The following ARG2 variants were observed in gnomAD, a reference collection of about 807,000 sequenced individuals.
ARG2 encodes arginase 2.
ARG2 carries 21 observed loss-of-function variants against 39.4 expected under a neutral mutation model. That is an observed-to-expected ratio of 0.53 (90% CI 0.38 to 0.77). ARG2 has a LOEUF of 0.77. ARG2 is among the 30% of genes least tolerant of loss of function. The pLI, the probability that ARG2 is intolerant of heterozygous loss-of-function variation, is 0.00. For synonymous variants in ARG2, 150 were observed against 156.7 expected (o/e 0.96, Z 0.32); for missense variants, 378 against 426.2 (o/e 0.89, Z 1.00).
intron 2 of ARG2, among the ~76,000 whole-genome samples, chr14:67,625,611 C>T (rs758892491): frequency 3.0e-5 from 4 of 132,156 alleles, no homozygotes; most frequent in Admixed American, 8.6e-5. Flanking sequence ...ACCTGGGAGG[C>T]GGAGGTTGTG....
intron 2 of ARG2, among the ~76,000 whole-genome samples, chr14:67,638,085 A>G (rs1187417867): frequency 2.0e-5 from 3 of 152,252 alleles, no homozygotes; most frequent in Non-Finnish European, 4.4e-5. Flanking sequence ...CATAAAGGAA[A>G]GCCTCCTGCT....
intron 2 of ARG2, among the ~76,000 whole-genome samples, chr14:67,625,367 T>A (rs977626741): frequency 2.6e-5 from 4 of 152,148 alleles, no homozygotes; most frequent in African/African-American, 9.7e-5. Context: ...AATACATCTA[T>A]GTTTCAAAGA....
At chr14:67,627,236 G>C (rs2036875154) in intron 2 of ARG2, among the ~76,000 whole-genome samples, 1 of 133,662 alleles carries the variant, frequency 7.5e-6, no homozygotes, top group African/African-American at 3.0e-5. Flanking sequence ...AAAAAACTAG[G>C]CAATTGTGAT....
rs534640426 is a variant in ARG2, at chr14:67,651,085, T to C, written c.*165T>C. Reference sequence around the variant, plus strand: ...TCCCCTCTATTTTGGTGACCAATACTACTGTAAATGTATTTGGTTTTTTGC... The same window carrying C: ...TCCCCTCTATTTTGGTGACCAATACCACTGTAAATGTATTTGGTTTTTTGC... On this transcript the variant is annotated 3_prime_UTR_variant, in exon 8 of 8. Transcript: ENST00000261783. The C allele has an allele frequency of 2.3e-5, 22 of 939,878 alleles. No homozygotes were observed. The highest frequency in any genetic ancestry group is 3.5e-5 in the Non-Finnish European group (22 of 632,944). The allele number at this position is 939,878 out of a possible 1,614,324, so 58.2% of individuals were successfully genotyped here.
At chr14:67,635,538 T>C (rs1252709947) in intron 2 of ARG2, among the ~76,000 whole-genome samples, 1 of 152,182 alleles carries the variant, frequency 6.6e-6, no homozygotes. Flanking sequence ...TTCTAAGAAT[T>C]AGCAGTCACA....
intron 2 of ARG2, among the ~76,000 whole-genome samples, chr14:67,626,754 C>G (rs1488283323): frequency 6.6e-6 from 1 of 152,178 alleles, no homozygotes; most frequent in Non-Finnish European, 1.5e-5. Context: ...GCCATTGCAC[C>G]TGGCCACACA....
At chr14:67,642,686 CTT>C (rs927759808) in intron 3 of ARG2, among the ~76,000 whole-genome samples, 3 of 149,496 alleles carry the variant, frequency 2.0e-5, no homozygotes, top group Non-Finnish European at 4.4e-5. Context: ...TATCTTATGA[CTT>C]TGGAGAATTA....
At chr14:67,644,594 T>C (rs1265287485) in intron 3 of ARG2, among the ~76,000 whole-genome samples, 1 of 152,220 alleles carries the variant, frequency 6.6e-6, no homozygotes, top group Non-Finnish European at 1.5e-5. Flanking sequence ...ACTGGGAAGC[T>C]TTCCAACATT....
At chr14:67,647,983 T>C (rs2037122350) in intron 6 of ARG2, 64 bp from the exon 7 acceptor site, 4 of 1,460,382 alleles carry the variant, frequency 2.7e-6, no homozygotes, top group Middle Eastern at 1.7e-4. Flanking sequence ...ATAAGAAGGA[T>C]GAGTGTCCAA....
At chr14:67,629,283 CTATG>C (rs1242979952) in intron 2 of ARG2, among the ~76,000 whole-genome samples, 1 of 152,132 alleles carries the variant, frequency 6.6e-6, no homozygotes. Context: ...CTGCAGTGAG[CTATG>C]ATCATACCAC....
At chr14:67,636,290 C>T (rs969577265) in intron 2 of ARG2, among the ~76,000 whole-genome samples, 1 of 151,426 alleles carries the variant, frequency 6.6e-6, no homozygotes, top group Non-Finnish European at 1.5e-5. Context: ...AACAAAAAAA[C>T]AAAACCTTAC....
At chr14:67,631,100 G>A (rs1234665994) in intron 2 of ARG2, among the ~76,000 whole-genome samples, 4 of 151,952 alleles carry the variant, frequency 2.6e-5, no homozygotes, top group Admixed American at 2.0e-4. Context: ...CTGTCCTTTC[G>A]GTAATTAATT....
chr14:67,639,686 C>T (rs1365043987), intron 2 of ARG2, among the ~76,000 whole-genome samples: 2 of 152,058 alleles, frequency 1.3e-5, no homozygotes, highest in Middle Eastern at 3.4e-3. Flanking sequence ...TTTGGGAGGC[C>T]GAGGCAGGTG....
Position 67,651,584 on chromosome 14 carries a change from GTA to G in ARG2, c.*666_*667del. On this transcript the variant is annotated 3_prime_UTR_variant, in exon 8 of 8. Transcript: ENST00000261783. The stretch of plus-strand genomic sequence containing the variant: ...GACCACGGCTGGATACTCTGAGGCT[GTA>G]TGTTTGATCACACAGCCACTTAGCA... 2 of 1,322,784 alleles carry G rather than the reference GTA, an allele frequency of 1.5e-6. No homozygotes were observed. Among genetic ancestry groups the G allele is most frequent in the Middle Eastern group, 1.9e-4 (1 of 5,180 alleles). The allele number at this position is 1,322,784 out of a possible 1,614,324, so 81.9% of individuals were successfully genotyped here.
intron 2 of ARG2, among the ~76,000 whole-genome samples, chr14:67,638,536 C>G (rs1037602287): frequency 2.6e-5 from 4 of 152,178 alleles, no homozygotes; most frequent in Admixed American, 1.3e-4. Context: ...TTTGACGCCC[C>G]TGATCCTCAG....
chr14:67,622,023 G>A (rs2036815703), intron 2 of ARG2, among the ~76,000 whole-genome samples: 1 of 152,076 alleles, frequency 6.6e-6, no homozygotes. Context: ...CTTGAACCTG[G>A]GAGGCAAAGG....
At chr14:67,636,096 C>T (rs1378962879) in intron 2 of ARG2, among the ~76,000 whole-genome samples, 7 of 151,898 alleles carry the variant, frequency 4.6e-5, no homozygotes, top group African/African-American at 7.3e-5. Context: ...ACTAAGAGGC[C>T]CCTAGCTTTT....
Position 67,620,937 on chromosome 14 carries a change from C to G in ARG2, c.155C>G (p.Ala52Gly). The G allele has an allele frequency of 6.2e-7, 1 of 1,614,124 alleles. No homozygotes were observed. The highest frequency in any genetic ancestry group is 1.1e-5 in the South Asian group (1 of 91,080). Residue 52 changes from alanine to glycine, a missense_variant, in exon 2 of 8, where the codon GCT (alanine) becomes GGT (glycine). By Grantham distance (60) the Ala-to-Gly change is moderately conservative. Coordinates refer to ENST00000261783, the MANE Select transcript of ARG2 (RefSeq NM_001172.4). The stretch of plus-strand genomic sequence containing the variant: ...CATGGTCCCGCTGCCATAAGAGAAG[C>G]TGGCTTGATGAAAAGGCTCTCCAGT... Reference protein sequence around the residue: ...VEHGPAAIREAGLMKRLSSLG... With the variant: ...VEHGPAAIREGGLMKRLSSLG...
intron 7 of ARG2, chr14:67,648,928 G>A (rs892682163): frequency 2.6e-5 from 4 of 152,236 alleles, no homozygotes; most frequent in Admixed American, 2.0e-4. Context: ...AAAGGTTCAG[G>A]GCTATAGAGA....
Sources: gnomAD v4.1 joint callset for allele counts (sites outside exome capture counted in the v4.1 genomes callset) on GRCh38, gnomAD v4.1.1 for gene constraint, MANE v1.5 for transcripts, NCBI Gene and HGNC (gene_info 2026-07-23, HGNC 2026-07-21) for gene names.